Variants in POMK observed in about 807,000 individuals in gnomAD.
The protein encoded by POMK is Sugen kinase 196.
POMK carries 19 observed loss-of-function variants against 23.0 expected under a neutral mutation model. The ratio of observed to expected loss-of-function variants is 0.83; its 90% confidence interval spans 0.58 to 1.21. The LOEUF (loss-of-function observed/expected upper bound fraction) is 1.21. Ranked by LOEUF, POMK falls within the 50% of genes most tolerant of loss-of-function variation. POMK has a pLI of 0.00. For missense variants in POMK, 410 were observed against 431.3 expected, an observed-to-expected ratio of 0.95 and a Z score of 0.44; for synonymous variants, 173 against 171.6, an observed-to-expected ratio of 1.01 and a Z score of -0.06.
chr8:43,114,883 G>T (rs895122357), intron 4 of POMK, among the ~76,000 whole-genome samples: 5 of 150,940 alleles, frequency 3.3e-5, no homozygotes, highest in African/African-American at 1.2e-4. Flanking sequence ...ATGTAGATTT[G>T]GGGCAACAGG....
At position 43,103,776 on chromosome 8, in the gene POMK, G is replaced by A; in HGVS notation, c.228G>A (p.Glu76=). 6.2e-7 allele frequency: 1 copy of A among 1,614,260 alleles called. No individual in the cohort carries two copies. Among genetic ancestry groups the A allele is most frequent in the Non-Finnish European group, 8.5e-7 (1 of 1,180,042 alleles). The change falls in exon 4 of 5, where the codon GAG becomes GAA. Residue 76 remains glutamate, a synonymous_variant. Coordinates refer to ENST00000331373, the MANE Select transcript of POMK (RefSeq NM_032237.5). ...KNCSPWLSCE[E]LRTEVRQLKR... is the part of the protein sequence containing the mutation. ...GCTCACCTTGGCTGTCCTGCGAGGAGCTGAGAACAGAAGTGAGACAGCTGA... is the reference window on the plus strand; with the variant it reads ...GCTCACCTTGGCTGTCCTGCGAGGAACTGAGAACAGAAGTGAGACAGCTGA...
intron 4 of POMK, among the ~76,000 whole-genome samples, chr8:43,119,553 C>T (rs983859146): frequency 9.3e-5 from 14 of 151,262 alleles, no homozygotes; most frequent in African/African-American, 2.7e-4. Flanking sequence ...CTGCCTCAGC[C>T]TCCTGAGTAG....
Position 43,122,983 on chromosome 8 carries a change from T to C in POMK, c.*106T>C. The C allele has an allele frequency of 1.0e-6, 1 of 1,004,372 alleles. No homozygotes were observed. The highest frequency in any genetic ancestry group is 1.6e-5 in the South Asian group (1 of 62,760). 62.2% of individuals were successfully genotyped at this position (1,004,372 alleles called of 1,614,324 possible). A position where few individuals can be genotyped will look rare whatever the true frequency, so the allele number is the denominator to read the frequency against. ...CCTGAGTTTCGTGTTTTATTGTTTT[T>C]TTTATGGCTTAGCCATGTGGTTCGT... On this transcript the variant is annotated 3_prime_UTR_variant, in exon 5 of 5. Coordinates refer to ENST00000331373, the MANE Select transcript of POMK (RefSeq NM_032237.5).
At position 43,103,685 on chromosome 8, in the gene POMK, G is replaced by A. The variant is rs1463768524; in HGVS notation, c.137G>A (p.Arg46Gln). The A allele has an allele frequency of 6.8e-6, 11 of 1,613,782 alleles. No individual in the cohort carries two copies. Among genetic ancestry groups the A allele is most frequent in the African/African-American group, 6.7e-5 (5 of 74,826 alleles). The change falls in exon 4 of 5, where the codon CGA becomes CAA. Residue 46 changes from arginine to glutamine, a missense_variant. Physicochemically the swap from Arg to Gln is conservative, Grantham distance 43. Transcript: ENST00000331373. ...CTCGACCACTTCTTCATCGCTCCTC[G>A]ACAATCCACTGTGGACCCCACACAC... ...LCLDHFFIAPRQSTVDPTHCP... is the reference protein window; with the variant it reads ...LCLDHFFIAPQQSTVDPTHCP...
intron 4 of POMK, among the ~76,000 whole-genome samples, chr8:43,120,305 G>C (rs1051177383): frequency 2.0e-5 from 3 of 151,530 alleles, no homozygotes; most frequent in Non-Finnish European, 4.4e-5. Context: ...TCCACCTCCT[G>C]GGGTTCAAGC....
chr8:43,099,618 G>A (rs773532245), intron 2 of POMK, among the ~76,000 whole-genome samples: 41 of 152,226 alleles, frequency 2.7e-4, no homozygotes, highest in Non-Finnish European at 4.6e-4. Flanking sequence ...TTTGACTGTT[G>A]TGTTTAGTGA....
At chr8:43,095,094 C>A (rs1811306603) in intron 1 of POMK, among the ~76,000 whole-genome samples, 1 of 152,160 alleles carries the variant, frequency 6.6e-6, no homozygotes, top group Non-Finnish European at 1.5e-5. Flanking sequence ...CCCAGGGTAC[C>A]CCAGCCCAGC....
In POMK at chr8:43,103,670, T is replaced by G. The variant is rs763727187; in HGVS notation, c.122T>G (p.Phe41Cys). The G allele has an allele frequency of 6.2e-7, 1 of 1,614,056 alleles. No homozygotes were observed. Among genetic ancestry groups the G allele is most frequent in the Non-Finnish European group, 8.5e-7 (1 of 1,180,018 alleles). ...NTLLYLCLDHFFIAPRQSTVD... is the reference protein window; with the variant it reads ...NTLLYLCLDHCFIAPRQSTVD... The stretch of plus-strand genomic sequence containing the variant: ...CTGCTCTACCTCTGCCTCGACCACT[T>G]CTTCATCGCTCCTCGACAATCCACT... Residue 41 changes from phenylalanine to cysteine, a missense_variant, in exon 4 of 5, where the codon TTC (phenylalanine) becomes TGC (cysteine). Coordinates refer to ENST00000331373, the MANE Select transcript of POMK (RefSeq NM_032237.5).
At chr8:43,110,705 G>A (rs1319852086) in intron 4 of POMK, among the ~76,000 whole-genome samples, 2 of 152,170 alleles carry the variant, frequency 1.3e-5, no homozygotes, top group African/African-American at 4.8e-5. Context: ...ATCACCTGAG[G>A]TCAGGAGTTA....
At chr8:43,096,390 T>C (rs1811335641) in intron 1 of POMK, among the ~76,000 whole-genome samples, 1 of 150,336 alleles carries the variant, frequency 6.7e-6, no homozygotes, top group Admixed American at 6.6e-5. Context: ...GGGCCGGACA[T>C]GGTGGCTCAT....
chr8:43,105,381 C>G (rs1350535438), intron 4 of POMK, among the ~76,000 whole-genome samples: 1 of 152,160 alleles, frequency 6.6e-6, no homozygotes, highest in Non-Finnish European at 1.5e-5. Flanking sequence ...AGGCTTTTTA[C>G]TTCTTTGAGT....
chr8:43,122,649 A>G lies in POMK; in HGVS notation c.825A>G (p.Ser275=). 1 of 1,614,178 alleles carries G rather than the reference A, an allele frequency of 6.2e-7. No homozygotes were observed. The highest frequency in any genetic ancestry group is 8.5e-7 in the Non-Finnish European group (1 of 1,180,028). The change falls in exon 5 of 5, where the codon TCA becomes TCG. Residue 275 remains serine, a synonymous_variant. Transcript: ENST00000331373. Reference sequence around the variant, plus strand: ...CTTTCCACGATGATCTCATGCCCTCATATGATGAGAAGATTGACATTTGGA... The same window carrying G: ...CTTTCCACGATGATCTCATGCCCTCGTATGATGAGAAGATTGACATTTGGA... The part of the protein sequence containing the change: ...DVPFHDDLMP[S]YDEKIDIWKI...
chr8:43,103,198 C>G (rs1811477673), intron 3 of POMK, among the ~76,000 whole-genome samples: 1 of 152,176 alleles, frequency 6.6e-6, no homozygotes, highest in Non-Finnish European at 1.5e-5. Context: ...CACCAGTTGA[C>G]TAATACATTT....
chr8:43,109,050 A>G (rs1465925107), intron 4 of POMK, among the ~76,000 whole-genome samples: 1 of 152,246 alleles, frequency 6.6e-6, no homozygotes, highest in African/African-American at 2.4e-5. Context: ...TTCCTGCATG[A>G]TTTTAATACA....
intron 4 of POMK, among the ~76,000 whole-genome samples, chr8:43,116,336 G>A (rs532173931): frequency 3.3e-5 from 5 of 152,256 alleles, no homozygotes; most frequent in South Asian, 2.1e-4. Context: ...GCAGTGGTGC[G>A]ATCATAGCTT....
chr8:43,109,009 AAGTT>A (rs1235589204), intron 4 of POMK, among the ~76,000 whole-genome samples: 11 of 152,342 alleles, frequency 7.2e-5, no homozygotes, highest in Admixed American at 7.2e-4. Context: ...AACCCAAAGA[AAGTT>A]AAGCACCATT....
At chr8:43,095,493 T>C (rs897192116) in intron 1 of POMK, among the ~76,000 whole-genome samples, 4 of 152,202 alleles carry the variant, frequency 2.6e-5, no homozygotes, top group Non-Finnish European at 5.9e-5. Context: ...AAAGGTTTTC[T>C]GAGTAATGCT....
At chr8:43,112,487 T>C (rs1006278127) in intron 4 of POMK, among the ~76,000 whole-genome samples, 3 of 152,256 alleles carry the variant, frequency 2.0e-5, no homozygotes, top group Non-Finnish European at 1.5e-5. Flanking sequence ...TGGAAAACAC[T>C]CTGCAGGATA....
intron 1 of POMK, among the ~76,000 whole-genome samples, chr8:43,094,524 C>T (rs941203096): frequency 6.6e-6 from 1 of 152,092 alleles, no homozygotes; most frequent in Non-Finnish European, 1.5e-5. Context: ...AGCAAAATTT[C>T]GCTGTTTTGT....
Sources: gnomAD v4.1 joint callset for allele counts (sites outside exome capture counted in the v4.1 genomes callset) on GRCh38, gnomAD v4.1.1 for gene constraint, MANE v1.5 for transcripts, NCBI Gene and HGNC (gene_info 2026-07-23, HGNC 2026-07-21) for gene names.